Variants in TNS1 observed in about 807,000 individuals in gnomAD.
The protein encoded by TNS1 is tensin-1.
In TNS1, 62 loss-of-function variants were observed where a neutral mutation model predicts 168.6. The observed-to-expected ratio is 0.37, with a 90% CI of 0.30 to 0.45. The LOEUF (loss-of-function observed/expected upper bound fraction) is 0.45, where lower values mean the gene tolerates loss of function less well. TNS1 is among the 20% of genes least tolerant of loss of function. The probability of loss-of-function intolerance (pLI) is 1.00; values close to 1 mark genes in which losing one functional copy is unlikely to be tolerated. For missense variants in TNS1, 2,240 were observed against 2,339.4 expected (o/e 0.96, Z 0.88); for synonymous variants, 934 against 933.2 (o/e 1.00, Z -0.02).
intron 3 of TNS1, among the ~76,000 whole-genome samples, chr2:217,958,003 T>TCACACACACACACA (rs57381974): frequency 0.012 from 1,752 of 145,800 alleles, 15 homozygotes; most frequent in African/African-American, 0.022. Flanking sequence ...AATAAAGAAT[T>TCACACACACACACA]CACACACACA....
At chr2:217,877,524 T>G (rs1345762955) in intron 18 of TNS1, among the ~76,000 whole-genome samples, 1 of 152,208 alleles carries the variant, frequency 6.6e-6, no homozygotes, top group Non-Finnish European at 1.5e-5. Context: ...CCTGCCCCTT[T>G]GGCAGGCCCC....
At position 217,921,789 on chromosome 2, in the gene TNS1, A is replaced by G. The variant is rs181538426; in HGVS notation, c.187-1553T>C. On this transcript the variant is annotated intron_variant, in intron 3 of 32. Transcript: ENST00000682258. ...TACTATTGAGTGTGTACTAGATGAC[A>G]GGCATGATTATAAATGCTTTACCTC... Among the ~76,000 whole-genome samples, 13 of 152,360 alleles carry G rather than the reference A, an allele frequency of 8.5e-5. No individual in the cohort carries two copies. The East Asian group carries it at 2.5e-3, about 29-fold the overall frequency.
chr2:217,889,919 CT>C (rs1478287351), intron 12 of TNS1, among the ~76,000 whole-genome samples: 1 of 152,240 alleles, frequency 6.6e-6, no homozygotes, highest in Non-Finnish European at 1.5e-5. Context: ...CCTCCTGCCC[CT>C]GATGCTGCCT....
intron 3 of TNS1, among the ~76,000 whole-genome samples, chr2:217,939,103 C>G (rs1956781958): frequency 6.6e-6 from 1 of 152,160 alleles, no homozygotes; most frequent in South Asian, 2.1e-4. Context: ...GTGCCAGACA[C>G]CGCCCAAAGT....
At chr2:217,841,719 A>T (rs1011952292) in intron 19 of TNS1, among the ~76,000 whole-genome samples, 3 of 151,966 alleles carry the variant, frequency 2.0e-5, no homozygotes, top group African/African-American at 7.3e-5. Flanking sequence ...TGGACCACCC[A>T]TCTTTTCCTG....
intron 19 of TNS1, chr2:217,841,916 C>T (rs1946022566): frequency 5.0e-6 from 3 of 594,284 alleles, no homozygotes; most frequent in African/African-American, 1.9e-5. Context: ...TGAACCTTCT[C>T]AGATGCACTA....
chr2:217,919,795 G>A (rs968013993), intron 4 of TNS1, among the ~76,000 whole-genome samples: 1 of 152,176 alleles, frequency 6.6e-6, no homozygotes, highest in African/African-American at 2.4e-5. Flanking sequence ...AAACTGCCCA[G>A]GTGAATGGAC....
intron 6 of TNS1, 71 bp downstream of exon 6, chr2:217,906,264 C>T (rs1953681708): frequency 1.5e-6 from 1 of 666,138 alleles, no homozygotes; most frequent in Non-Finnish European, 2.8e-6. Context: ...CATTATCCAC[C>T]TCCCACCCCA....
chr2:217,878,938 T>C (rs967033914), intron 18 of TNS1, among the ~76,000 whole-genome samples: 9 of 152,212 alleles, frequency 5.9e-5, no homozygotes, highest in African/African-American at 1.9e-4. Flanking sequence ...TTTTCCCTTC[T>C]AATCCATTCC....
intron 3 of TNS1, among the ~76,000 whole-genome samples, chr2:217,947,134 C>T (rs901958393): frequency 6.6e-6 from 1 of 152,068 alleles, no homozygotes; most frequent in African/African-American, 2.4e-5. Context: ...CTTAAGCCAA[C>T]CCATGCTCCT....
rs774586706 is a variant in TNS1 at position 217,818,033 on chromosome 2, C to G, written c.4299G>C (p.Pro1433=). ...RHVAYGGYST[P]EDRRPTLSRQ... ...GGGACAGTGTGGGTCTCCGATCCTCCGGGGTAGAATAGCCACCATAGGCCA... is the reference window on the plus strand; with the variant it reads ...GGGACAGTGTGGGTCTCCGATCCTCGGGGGTAGAATAGCCACCATAGGCCA... The change falls in exon 24 of 33, where the codon CCG becomes CCC. Residue 1433 remains proline, a synonymous_variant. Coordinates refer to ENST00000682258, the MANE Select transcript of TNS1 (RefSeq NM_001387777.1). The G allele has an allele frequency of 3.7e-6, 6 of 1,601,392 alleles. No individual in the cohort carries two copies. Among genetic ancestry groups the G allele is most frequent in the Admixed American group, 3.5e-5 (2 of 57,398 alleles).
intron 19 of TNS1, among the ~76,000 whole-genome samples, chr2:217,839,132 A>C (rs906310481): frequency 6.6e-6 from 1 of 151,880 alleles, no homozygotes; most frequent in Non-Finnish European, 1.5e-5. Context: ...GGGGGTACAT[A>C]GTGGGGCCAC....
In TNS1 at chr2:217,917,829, CAAAAA is replaced by C. The variant is rs79888115; in HGVS notation, c.228+2361_228+2365del. Among the ~76,000 whole-genome samples the C allele has an allele frequency of 1.2e-4, 9 of 75,970 alleles. No homozygotes were observed. The Admixed American group carries it at 1.2e-3, about 11-fold the overall frequency. The allele number at this position is 75,970 out of a possible 152,430, so 49.8% of individuals were successfully genotyped here. ...CTGGGCAACACAGTGAGACTGTTCT[CAAAAA>C]AAAAAAAAAAAAAAGACTTGCGACT... is the stretch of plus-strand genomic sequence containing the variant. On this transcript the variant is annotated intron_variant, in intron 4 of 32. Transcript: ENST00000682258.
intron 6 of TNS1, chr2:217,901,739 GCAGGATTCA>G (rs1301731033): frequency 6.6e-6 from 1 of 152,246 alleles, no homozygotes; most frequent in Non-Finnish European, 1.5e-5. Context: ...TGACGGCCAG[GCAGGATTCA>G]CACTCCAACC....
rs1958905117 is a variant in TNS1 at position 218,032,342 on chromosome 2, C to T, written c.156+1478G>A. On this transcript the variant is annotated intron_variant, in intron 1 of 1. Coordinates refer to the TNS1 transcript ENST00000649572. This position sits in a 1 kb window ranked among gnomAD's most constrained non-coding sequence, Gnocchi z 4.0. Reference sequence around the variant, plus strand: ...AGTCCAGGAGAAGGAGGAGGACAGCCTGCTTGTGGAGGAGGAGGCAGCATG... The same window carrying T: ...AGTCCAGGAGAAGGAGGAGGACAGCTTGCTTGTGGAGGAGGAGGCAGCATG... Among the ~76,000 whole-genome samples the T allele has an allele frequency of 6.6e-6, 1 of 152,106 alleles. No homozygotes were observed. Among genetic ancestry groups the T allele is most frequent in the Non-Finnish European group, 1.5e-5 (1 of 68,002 alleles).
intron 27 of TNS1, among the ~76,000 whole-genome samples, chr2:217,812,968 ATT>A (rs1559148648): frequency 6.6e-6 from 1 of 152,230 alleles, no homozygotes; most frequent in Non-Finnish European, 1.5e-5. Context: ...TGATTTTACC[ATT>A]GTTACTCCAG....
Position 217,995,619 on chromosome 2 carries a change from C to T in TNS1, c.34-4563G>A, listed in dbSNP as rs1958455379. Among the ~76,000 whole-genome samples the T allele has an allele frequency of 6.6e-6, 1 of 152,080 alleles. No individual in the cohort carries two copies. The highest frequency in any genetic ancestry group is 2.4e-5 in the African/African-American group (1 of 41,406). On this transcript the variant is annotated intron_variant, in intron 1 of 32. Coordinates refer to ENST00000682258, the MANE Select transcript of TNS1 (RefSeq NM_001387777.1). This position sits in a 1 kb window ranked among gnomAD's most constrained non-coding sequence, Gnocchi z 4.1. ...GGTAGTGGCTTGTTAGGGCAATGATCGTCACTTTTCCTGACAAGTGGCAGA... is the reference window on the plus strand; with the variant it reads ...GGTAGTGGCTTGTTAGGGCAATGATTGTCACTTTTCCTGACAAGTGGCAGA...
At chr2:217,825,826 C>T (rs1279728409) in intron 22 of TNS1, among the ~76,000 whole-genome samples, 1 of 152,194 alleles carries the variant, frequency 6.6e-6, no homozygotes, top group Non-Finnish European at 1.5e-5. Flanking sequence ...GGCTCGATAG[C>T]ATGGCCAAGT....
At chr2:217,994,219 G>A (rs1040676513) in intron 1 of TNS1, among the ~76,000 whole-genome samples, 1 of 152,156 alleles carries the variant, frequency 6.6e-6, no homozygotes, top group Admixed American at 6.5e-5. Flanking sequence ...AGTCTCCTCT[G>A]TTCATCTATC....
Sources: allele counts gnomAD v4.1 joint callset (sites outside exome capture counted in the v4.1 genomes callset), GRCh38; gene constraint gnomAD v4.1.1; non-coding constraint Gnocchi (gnomAD v3.1); transcripts MANE v1.5; gene names NCBI Gene and HGNC (gene_info 2026-07-23, HGNC 2026-07-21).